Variants in CREB5 observed in about 807,000 individuals in gnomAD.
CREB5 encodes the protein cAMP responsive element binding protein 5.
A neutral mutation model predicts 57.1 loss-of-function variants in CREB5; 19 were observed. The observed-to-expected ratio is 0.33, with a 90% CI of 0.23 to 0.49. The LOEUF (loss-of-function observed/expected upper bound fraction) is 0.49. Among genes scored for constraint, CREB5 ranks in the 20% least tolerant of loss-of-function variants. The pLI, the probability that CREB5 is intolerant of heterozygous loss-of-function variation, is 0.99. For synonymous variants in CREB5, 238 were observed against 238.3 expected (o/e 1.00, Z 0.01); for missense variants, 579 against 671.6 (o/e 0.86, Z 1.52).
chr7:28,627,114 G>A (rs1007997603), intron 5 of CREB5, among the ~76,000 whole-genome samples: 5 of 152,190 alleles, frequency 3.3e-5, no homozygotes, highest in Admixed American at 1.3e-4. Flanking sequence ...AGGGTGTCTG[G>A]TTTTCCATAA....
intron 5 of CREB5, among the ~76,000 whole-genome samples, chr7:28,590,585 A>T (rs184775109): frequency 3.3e-4 from 50 of 150,776 alleles, no homozygotes; most frequent in African/African-American, 1.1e-3. Flanking sequence ...GTAAATGACG[A>T]GTTAATGGGT....
At chr7:28,377,988 C>T (rs1386462994) in intron 1 of CREB5, among the ~76,000 whole-genome samples, 1 of 151,374 alleles carries the variant, frequency 6.6e-6, no homozygotes, top group Non-Finnish European at 1.5e-5. Flanking sequence ...GGACCATGCC[C>T]TTTAGGGCTA....
chr7:28,712,007 C>A (rs1802420078), intron 5 of CREB5, among the ~76,000 whole-genome samples: 1 of 152,054 alleles, frequency 6.6e-6, no homozygotes, highest in Non-Finnish European at 1.5e-5. Flanking sequence ...CTCTATCACC[C>A]CCATTTTACA....
chr7:28,605,991 C>G (rs1281732269), intron 5 of CREB5, among the ~76,000 whole-genome samples: 2 of 152,158 alleles, frequency 1.3e-5, no homozygotes, highest in African/African-American at 4.8e-5. Context: ...CGACTGAACA[C>G]TTGACGTGGA....
At chr7:28,783,587 C>T (rs1203132123) in intron 7 of CREB5, among the ~76,000 whole-genome samples, 3 of 152,078 alleles carry the variant, frequency 2.0e-5, no homozygotes, top group Non-Finnish European at 4.4e-5. Context: ...TCAGACTTTC[C>T]CTCCTTTTCT....
intron 1 of CREB5, among the ~76,000 whole-genome samples, chr7:28,445,525 G>A (rs865856702): frequency 1.1e-4 from 17 of 151,662 alleles, no homozygotes; most frequent in South Asian, 4.2e-4. Context: ...GTGAAAGTGG[G>A]TCCCGGGAGC....
chr7:28,735,035 C>G (rs1197893164), intron 7 of CREB5, among the ~76,000 whole-genome samples: 1 of 152,120 alleles, frequency 6.6e-6, no homozygotes, highest in Admixed American at 6.5e-5. Context: ...CCAGCTTCAC[C>G]ACCTTACTTT....
At chr7:28,484,719 A>G (rs1791486016) in intron 1 of CREB5, among the ~76,000 whole-genome samples, 1 of 152,198 alleles carries the variant, frequency 6.6e-6, no homozygotes, top group Non-Finnish European at 1.5e-5. Flanking sequence ...AACAATTGTA[A>G]CCCAGTAGAA....
chr7:28,312,980 A>G (rs1405602678), intron 1 of CREB5, among the ~76,000 whole-genome samples: 1 of 152,164 alleles, frequency 6.6e-6, no homozygotes, highest in Non-Finnish European at 1.5e-5. Context: ...CTCCTATCTG[A>G]TGGTTGAATG....
In CREB5 at chr7:28,618,096, A is replaced by G. The variant is rs561455484; in HGVS notation, c.464+47559A>G. Among the ~76,000 whole-genome samples, 7 of 152,268 alleles carry G rather than the reference A, an allele frequency of 4.6e-5. 1 individual carries two copies. In the East Asian group the frequency reaches 1.2e-3, roughly 25 times the overall value. Reference sequence around the variant, plus strand: ...GTTGCAGGGAAGCTTAATGAAGGAGATGGCATTGATGCTGAATGTGAAAAA... The same window carrying G: ...GTTGCAGGGAAGCTTAATGAAGGAGGTGGCATTGATGCTGAATGTGAAAAA... On this transcript the variant is annotated intron_variant, in intron 5 of 10. Coordinates refer to ENST00000357727, the MANE Select transcript of CREB5 (RefSeq NM_182898.4).
intron 5 of CREB5, among the ~76,000 whole-genome samples, chr7:28,702,044 C>T (rs1801886299): frequency 6.6e-6 from 1 of 152,116 alleles, no homozygotes; most frequent in South Asian, 2.1e-4. Flanking sequence ...TTTTCTCAGC[C>T]ATGCTAGACT....
intron 5 of CREB5, among the ~76,000 whole-genome samples, chr7:28,606,458 G>C (rs192251992): frequency 3.3e-5 from 5 of 152,218 alleles, no homozygotes; most frequent in Admixed American, 3.3e-4. Context: ...GATATTTCTG[G>C]TGTGTTTGTC....
At chr7:28,661,524 A>G (rs1799612289) in intron 5 of CREB5, among the ~76,000 whole-genome samples, 2 of 151,960 alleles carry the variant, frequency 1.3e-5, no homozygotes, top group Non-Finnish European at 2.9e-5. Flanking sequence ...AATTTTCTCA[A>G]TACATCATCT....
chr7:28,545,616 G>A (rs1794384506), intron 4 of CREB5, among the ~76,000 whole-genome samples: 1 of 152,148 alleles, frequency 6.6e-6, no homozygotes, highest in Non-Finnish European at 1.5e-5. Flanking sequence ...TATTTTAAGT[G>A]TCTTCTGCTT....
At chr7:28,396,063 C>T (rs988251315) in intron 1 of CREB5, among the ~76,000 whole-genome samples, 1 of 152,192 alleles carries the variant, frequency 6.6e-6, no homozygotes, top group African/African-American at 2.4e-5. Context: ...AATCTCCAGC[C>T]CCTGAAACAT....
intron 5 of CREB5, among the ~76,000 whole-genome samples, chr7:28,581,495 G>C (rs187092337): frequency 2.0e-5 from 3 of 152,292 alleles, no homozygotes; most frequent in East Asian, 3.9e-4. Context: ...CTGTACCACA[G>C]TCACAGGCAG....
At chr7:28,615,652 C>T (rs138729458) in intron 5 of CREB5, 1 of 152,406 alleles carries the variant, frequency 6.6e-6, no homozygotes, top group East Asian at 1.9e-4. Context: ...CTTGAGGGAC[C>T]TCCCTGGGAA....
chr7:28,522,610 C>T (rs2128617013), intron 4 of CREB5, among the ~76,000 whole-genome samples: 1 of 152,108 alleles, frequency 6.6e-6, no homozygotes, highest in South Asian at 2.1e-4. Flanking sequence ...GTCGGCCAGG[C>T]TGGTCTCGAA....
chr7:28,369,474 T>TCA (rs138610096), intron 1 of CREB5, among the ~76,000 whole-genome samples: 25,099 of 152,188 alleles, frequency 0.16, 2,536 homozygotes, highest in Non-Finnish European at 0.24. Flanking sequence ...TGTGGGCAAG[T>TCA]CACATCATTC....
Sources: gnomAD v4.1 joint callset for allele counts (sites outside exome capture counted in the v4.1 genomes callset) on GRCh38, gnomAD v4.1.1 for gene constraint, MANE v1.5 for transcripts, NCBI Gene and HGNC (gene_info 2026-07-23, HGNC 2026-07-21) for gene names.